The following CSMD1 variants were observed in gnomAD, a reference collection of about 807,000 sequenced individuals.
CSMD1 encodes CUB and sushi domain-containing protein 1.
Under a neutral mutation model 417.5 loss-of-function variants are expected in CSMD1, and 213 were observed. That is an observed-to-expected ratio of 0.51 (90% CI 0.46 to 0.57). The LOEUF is 0.57. Ranked by LOEUF, CSMD1 falls within the 20% of genes least tolerant of loss-of-function variation. The pLI is 0.00. For missense variants in CSMD1, 6,923 were observed against 4,529.7 expected (o/e 1.53, Z -15.17); for synonymous variants, 2,862 against 1,736.8 (o/e 1.65, Z -16.11).
intron 23 of CSMD1, among the ~76,000 whole-genome samples, chr8:3,335,927 A>G (rs978823714): frequency 6.6e-6 from 1 of 152,156 alleles, no homozygotes; most frequent in African/African-American, 2.4e-5. Context: ...TCTGTTCTCA[A>G]AAGTCTGGCC....
chr8:3,582,919 G>C (rs1180148700), intron 9 of CSMD1, among the ~76,000 whole-genome samples: 2 of 152,074 alleles, frequency 1.3e-5, no homozygotes, highest in African/African-American at 2.4e-5. Context: ...ACTAACTTAG[G>C]TGCTCCTGTG....
intron 1 of CSMD1, among the ~76,000 whole-genome samples, chr8:4,991,335 G>A (rs1396737337): frequency 6.6e-6 from 1 of 152,286 alleles, no homozygotes; most frequent in Admixed American, 6.5e-5. Context: ...GAAGAAAAAG[G>A]AAATCGCCAG....
At chr8:3,270,773 T>C (rs1752897009) in intron 26 of CSMD1, among the ~76,000 whole-genome samples, 1 of 152,214 alleles carries the variant, frequency 6.6e-6, no homozygotes, top group African/African-American at 2.4e-5. Context: ...TAGTCTGTTT[T>C]CATGCTGCTG....
chr8:3,797,732 T>C (rs1032367772), intron 5 of CSMD1, among the ~76,000 whole-genome samples: 5 of 151,996 alleles, frequency 3.3e-5, no homozygotes, highest in African/African-American at 4.8e-5. Context: ...CATATTCTTA[T>C]ACAAAATATT....
At chr8:3,831,145 A>C (rs1802354749) in intron 5 of CSMD1, among the ~76,000 whole-genome samples, 1 of 152,218 alleles carries the variant, frequency 6.6e-6, no homozygotes, top group African/African-American at 2.4e-5. Flanking sequence ...TGCTTTCACA[A>C]TTCAAAAGAA....
intron 3 of CSMD1, among the ~76,000 whole-genome samples, chr8:4,251,282 AT>A (rs753158507): frequency 4.6e-5 from 7 of 152,208 alleles, no homozygotes; most frequent in Non-Finnish European, 8.8e-5. Flanking sequence ...TTTAAAAAAA[AT>A]GTTAAAAAGT....
At chr8:4,876,491 G>C (rs1231635142) in intron 1 of CSMD1, among the ~76,000 whole-genome samples, 2 of 152,104 alleles carry the variant, frequency 1.3e-5, no homozygotes, top group African/African-American at 4.8e-5. Context: ...ATTGGAATTA[G>C]ATTGCTTTTA....
At chr8:4,256,568 A>G (rs999585050) in intron 3 of CSMD1, among the ~76,000 whole-genome samples, 1 of 152,110 alleles carries the variant, frequency 6.6e-6, no homozygotes, top group Non-Finnish European at 1.5e-5. Context: ...TATCTTTAAA[A>G]CCCCATGGGA....
At chr8:4,250,823 A>T (rs1803018515) in intron 3 of CSMD1, among the ~76,000 whole-genome samples, 1 of 152,216 alleles carries the variant, frequency 6.6e-6, no homozygotes, top group South Asian at 2.1e-4. Flanking sequence ...TACTGGTTGA[A>T]ATGTTTTTTA....
intron 50 of CSMD1, among the ~76,000 whole-genome samples, chr8:3,036,600 G>A (rs1244917942): frequency 6.6e-6 from 1 of 152,052 alleles, no homozygotes; most frequent in Non-Finnish European, 1.5e-5. Context: ...GTGCTTACTG[G>A]ACACGCGAGA....
intron 12 of CSMD1, among the ~76,000 whole-genome samples, chr8:3,468,063 A>T (rs1365760902): frequency 6.6e-6 from 1 of 152,234 alleles, no homozygotes; most frequent in Non-Finnish European, 1.5e-5. Context: ...AAACTATTTC[A>T]AAGGAGAATC....
intron 1 of CSMD1, among the ~76,000 whole-genome samples, chr8:4,853,807 G>A (rs760405248): frequency 6.6e-6 from 1 of 152,172 alleles, no homozygotes; most frequent in Non-Finnish European, 1.5e-5. Context: ...AAGCCACAGT[G>A]GACCTGACCA....
intron 2 of CSMD1, among the ~76,000 whole-genome samples, chr8:4,446,819 C>G (rs111711473): frequency 1.3e-5 from 2 of 148,426 alleles, no homozygotes; most frequent in African/African-American, 5.1e-5. Context: ...GCCAAGTTTT[C>G]TCCATCTTGG....
chr8:4,340,531 G>A (rs1439939571), intron 3 of CSMD1, among the ~76,000 whole-genome samples: 4 of 152,046 alleles, frequency 2.6e-5, no homozygotes, highest in African/African-American at 9.7e-5. Context: ...TTATATGTCA[G>A]ATGAATCAAA....
intron 5 of CSMD1, among the ~76,000 whole-genome samples, chr8:3,759,721 C>A (rs1211299606): frequency 2.0e-5 from 3 of 147,346 alleles, no homozygotes; most frequent in Admixed American, 6.8e-5. Context: ...TGGTGAAACA[C>A]CACCTCTACT....
intron 1 of CSMD1, among the ~76,000 whole-genome samples, chr8:4,772,186 T>G (rs1483003711): frequency 6.6e-6 from 1 of 152,154 alleles, no homozygotes; most frequent in Non-Finnish European, 1.5e-5. Flanking sequence ...TCTTGCTGGC[T>G]GATGTCCACG....
intron 49 of CSMD1, among the ~76,000 whole-genome samples, chr8:3,083,558 A>G (rs1256331469): frequency 3.2e-5 from 4 of 126,162 alleles, no homozygotes; most frequent in Non-Finnish European, 6.4e-5. Flanking sequence ...CAAATGTGCA[A>G]CTCTATATTC....
chr8:3,921,066 C>A (rs1009268912), intron 5 of CSMD1, among the ~76,000 whole-genome samples: 3 of 152,020 alleles, frequency 2.0e-5, no homozygotes, highest in Non-Finnish European at 4.4e-5. Context: ...TTTAAATGTT[C>A]GATAAAATTT....
intron 2 of CSMD1, among the ~76,000 whole-genome samples, chr8:4,501,803 A>C (rs1802272358): frequency 6.6e-6 from 1 of 152,122 alleles, no homozygotes; most frequent in Non-Finnish European, 1.5e-5. Context: ...ATAACATGCA[A>C]GCGTAGTGGG....
Sources: allele counts gnomAD v4.1 joint callset (sites outside exome capture counted in the v4.1 genomes callset), GRCh38; gene constraint gnomAD v4.1.1; transcripts MANE v1.5; gene names NCBI Gene and HGNC (gene_info 2026-07-23, HGNC 2026-07-21).